The following CREBBP variants were observed in gnomAD, a reference collection of about 807,000 sequenced individuals.
CREBBP encodes the protein CREB binding lysine acetyltransferase.
In CREBBP, 19 loss-of-function variants were observed where a neutral mutation model predicts 265.0. That is an observed-to-expected ratio of 0.07 (90% CI 0.05 to 0.11). The LOEUF is 0.11. CREBBP is among the 10% of genes least tolerant of loss of function. The pLI is 1.00. For missense variants in CREBBP, 2,525 were observed against 3,219.0 expected (o/e 0.78, Z 5.22); for synonymous variants, 1,457 against 1,223.7 (o/e 1.19, Z -3.98).
intron 2 of CREBBP, among the ~76,000 whole-genome samples, chr16:3,826,878 T>C (rs954238045): frequency 1.1e-4 from 16 of 152,186 alleles, no homozygotes; most frequent in Admixed American, 8.5e-4. Flanking sequence ...TCATTACTTA[T>C]GACAAACACA....
At chr16:3,740,821 T>G in intron 23 of CREBBP, 1 of 476,652 alleles carries the variant, frequency 2.1e-6, no homozygotes, top group Non-Finnish European at 3.9e-6. Context: ...AGAAGACCTA[T>G]AGCGGTGGGT....
chr16:3,830,694 T>C (rs774305548), intron 2 of CREBBP, among the ~76,000 whole-genome samples: 1 of 152,088 alleles, frequency 6.6e-6, no homozygotes, highest in Non-Finnish European at 1.5e-5. Context: ...TAGTAACCAA[T>C]AGAACAAAAA....
chr16:3,838,617 G>T (rs2054503753), intron 2 of CREBBP, among the ~76,000 whole-genome samples: 1 of 152,158 alleles, frequency 6.6e-6, no homozygotes, highest in African/African-American at 2.4e-5. Flanking sequence ...GAAAACATCA[G>T]GAGTATGTTT....
At chr16:3,851,223 G>C (rs1597055348) in intron 1 of CREBBP, among the ~76,000 whole-genome samples, 1 of 148,242 alleles carries the variant, frequency 6.7e-6, no homozygotes, top group East Asian at 2.0e-4. Flanking sequence ...GGGAGGTGGA[G>C]GATGCGGTGA....
rs2151305811 is a variant in CREBBP, at chr16:3,728,891, C to G, written c.6156G>C (p.Arg2052=). 1 of 1,610,246 alleles carries G rather than the reference C, an allele frequency of 6.2e-7. No homozygotes were observed. Among genetic ancestry groups the G allele is most frequent in the Non-Finnish European group, 8.5e-7 (1 of 1,179,564 alleles). The part of the protein sequence containing the change: ...MQAQAAVAGP[R]MPSVQPPRSI... ...TCCTGGGTGGCTGCACGCTGGGCAT[C>G]CGGGGCCCAGCCACGGCCGCCTGGG... is the stretch of plus-strand genomic sequence containing the variant. The change falls in exon 31 of 31, where the codon CGG becomes CGC. Residue 2052 remains arginine, a synonymous_variant. Coordinates refer to ENST00000262367, the MANE Select transcript of CREBBP (RefSeq NM_004380.3). The surrounding 1 kb of genome is among the most constrained non-coding windows in gnomAD (Gnocchi z 8.7).
At chr16:3,830,220 A>G (rs2525479) in intron 2 of CREBBP, among the ~76,000 whole-genome samples, 152,068 of 152,072 alleles carry the variant, frequency 1, 76,032 homozygotes, top group Middle Eastern at 1. Flanking sequence ...AACATGGTGA[A>G]ACCCTGTCTC....
intron 13 of CREBBP, among the ~76,000 whole-genome samples, chr16:3,772,915 CAAA>C (rs144154476): frequency 1.1e-5 from 1 of 88,840 alleles, no homozygotes; most frequent in Non-Finnish European, 2.1e-5. Context: ...ACTAAAAATA[CAAA>C]AAAAAAAAAA....
chr16:3,836,953 G>A (rs901994824), intron 2 of CREBBP, among the ~76,000 whole-genome samples: 1 of 152,230 alleles, frequency 6.6e-6, no homozygotes, highest in Non-Finnish European at 1.5e-5. Context: ...ACTACCAGCT[G>A]TATAAAAGCA....
intron 1 of CREBBP, among the ~76,000 whole-genome samples, chr16:3,873,565 C>G (rs918292469): frequency 1.3e-5 from 2 of 152,228 alleles, no homozygotes. Flanking sequence ...GGTACGACAA[C>G]GTCCCTGGTT....
chr16:3,864,551 G>A (rs558265281), intron 1 of CREBBP, among the ~76,000 whole-genome samples: 1 of 152,296 alleles, frequency 6.6e-6, no homozygotes, highest in East Asian at 1.9e-4. Flanking sequence ...AGGAGGCTGA[G>A]GTGGGAGGAC....
chr16:3,739,908 C>T (rs927130045), intron 24 of CREBBP, among the ~76,000 whole-genome samples, 184 bp from the exon 25 acceptor site: 1 of 152,228 alleles, frequency 6.6e-6, no homozygotes, highest in Non-Finnish European at 1.5e-5. Context: ...CACTTGCTTT[C>T]TGACCAGTTT....
At chr16:3,877,270 T>C (rs1165804071) in intron 1 of CREBBP, among the ~76,000 whole-genome samples, 1 of 152,244 alleles carries the variant, frequency 6.6e-6, no homozygotes, top group African/African-American at 2.4e-5. Context: ...CTGTCCCACC[T>C]AACCAAATGC....
intron 3 of CREBBP, among the ~76,000 whole-genome samples, chr16:3,808,835 G>A (rs762165725): frequency 2.0e-5 from 3 of 152,214 alleles, no homozygotes; most frequent in Admixed American, 6.5e-5. Flanking sequence ...AGGCATAATC[G>A]ATGACAGCTA....
chr16:3,726,749 T>A lies in CREBBP; in HGVS notation c.*969A>T, dbSNP rs2051756871. ...CCAAATACAATGTTGAAAACAGCAT[T>A]TTCATAACAAAAAACCCCGAACACT... On this transcript the variant is annotated 3_prime_UTR_variant, in exon 31 of 31. Transcript: ENST00000262367. 1 of 233,580 alleles carries A rather than the reference T, an allele frequency of 4.3e-6. No individual in the cohort carries two copies. Among genetic ancestry groups the A allele is most frequent in the East Asian group, 6.1e-5 (1 of 16,528 alleles). 14.5% of individuals were successfully genotyped at this position (233,580 alleles called of 1,614,324 possible).
intron 8 of CREBBP, among the ~76,000 whole-genome samples, chr16:3,779,864 G>T (rs1435915638): frequency 6.6e-6 from 1 of 152,068 alleles, no homozygotes; most frequent in Non-Finnish European, 1.5e-5. Context: ...AGCACTTTGG[G>T]AGGCCAAGGC....
rs1282432395 is a variant in CREBBP, at chr16:3,739,817, C to T, written c.4134-93G>A. On this transcript the variant is annotated intron_variant, in intron 24 of 30. Coordinates refer to ENST00000262367, the MANE Select transcript of CREBBP (RefSeq NM_004380.3). The stretch of plus-strand genomic sequence containing the variant: ...CCTGCTCCTCTAACTCTGGCCACTG[C>T]AGATGAGCGGAGGCATGGCCACCTC... 21 of 1,569,274 alleles carry T rather than the reference C, an allele frequency of 1.3e-5. No individual in the cohort carries two copies. The South Asian group carries it at 2.1e-4, about 16-fold the overall frequency.
chr16:3,872,475 A>T (rs1429899152), intron 1 of CREBBP, among the ~76,000 whole-genome samples: 1 of 152,200 alleles, frequency 6.6e-6, no homozygotes, highest in African/African-American at 2.4e-5. Flanking sequence ...CACTGCTCCC[A>T]AGGCTTACAC....
chr16:3,828,810 C>A (rs1007722055), intron 2 of CREBBP, among the ~76,000 whole-genome samples: 6 of 152,122 alleles, frequency 3.9e-5, no homozygotes, highest in African/African-American at 1.4e-4. Context: ...GAAAGTGGTT[C>A]AGAATATTTT....
chr16:3,824,290 G>C (rs1315317105), intron 2 of CREBBP, among the ~76,000 whole-genome samples: 1 of 152,272 alleles, frequency 6.6e-6, no homozygotes, highest in Non-Finnish European at 1.5e-5. Flanking sequence ...TCATAAACAG[G>C]AATGGGGAAA....
Sources: allele counts gnomAD v4.1 joint callset (sites outside exome capture counted in the v4.1 genomes callset), GRCh38; gene constraint gnomAD v4.1.1; non-coding constraint Gnocchi (gnomAD v3.1); transcripts MANE v1.5; gene names NCBI Gene and HGNC (gene_info 2026-07-23, HGNC 2026-07-21).